The following RMDN2 variants were observed in gnomAD, a reference collection of about 807,000 sequenced individuals.
The protein encoded by RMDN2 is regulator of microtubule dynamics 2.
RMDN2 carries 61 observed loss-of-function variants against 52.8 expected under a neutral mutation model. The observed-to-expected ratio is 1.16, with a 90% CI of 0.94 to 1.43. RMDN2 has a LOEUF of 1.43. Ranked by LOEUF, RMDN2 falls within the 40% of genes most tolerant of loss-of-function variation. The probability of loss-of-function intolerance (pLI) is 0.00; values close to 1 mark genes in which losing one functional copy is unlikely to be tolerated. For synonymous variants in RMDN2, 180 were observed against 153.1 expected (o/e 1.18, Z -1.30); for missense variants, 592 against 475.3 (o/e 1.25, Z -2.28).
chr2:38,024,590 A>G (rs1293803846), intron 10 of RMDN2, among the ~76,000 whole-genome samples: 1 of 152,144 alleles, frequency 6.6e-6, no homozygotes, highest in African/African-American at 2.4e-5. Flanking sequence ...ATGGTGAAGT[A>G]TCTATTCAAA....
chr2:38,025,746 A>G (rs562978836), intron 10 of RMDN2, among the ~76,000 whole-genome samples: 13 of 152,204 alleles, frequency 8.5e-5, no homozygotes, highest in African/African-American at 2.6e-4. Flanking sequence ...TTTAGTTTAT[A>G]TGATGAATTA....
chr2:37,981,647 A>G (rs1174474465), intron 5 of RMDN2, among the ~76,000 whole-genome samples: 2 of 152,222 alleles, frequency 1.3e-5, no homozygotes, highest in African/African-American at 2.4e-5. Flanking sequence ...CTTGAACACA[A>G]ATACTAAAAT....
chr2:37,932,922 C>CG (rs1666936339), intron 2 of RMDN2, among the ~76,000 whole-genome samples: 1 of 150,748 alleles, frequency 6.6e-6, no homozygotes, highest in South Asian at 2.1e-4. Flanking sequence ...GGCTGACCCC[C>CG]CCACCTCCCT....
At chr2:38,001,164 G>T (rs552936269) in intron 8 of RMDN2, among the ~76,000 whole-genome samples, 1 of 152,282 alleles carries the variant, frequency 6.6e-6, no homozygotes, top group East Asian at 1.9e-4. Context: ...TTTTAAAGAA[G>T]AGCTAATTTG....
intron 5 of RMDN2, among the ~76,000 whole-genome samples, chr2:37,988,582 C>G (rs947190064): frequency 1.3e-5 from 2 of 151,230 alleles, no homozygotes; most frequent in African/African-American, 4.8e-5. Context: ...AAATTATTCA[C>G]TGTTTTTTTG....
intron 1 of RMDN2, 138 bp downstream of exon 1, chr2:37,925,563 C>T (rs1460148370): frequency 1.3e-5 from 2 of 152,300 alleles, no homozygotes; most frequent in African/African-American, 2.4e-5. Flanking sequence ...AAGCTTGAGC[C>T]TGCTAGCCAG....
chr2:37,966,432 G>A (rs982729619), intron 2 of RMDN2, among the ~76,000 whole-genome samples: 2 of 143,934 alleles, frequency 1.4e-5, no homozygotes, highest in African/African-American at 2.6e-5. Context: ...AAAAAAAAAA[G>A]TTCTTACATT....
At chr2:37,950,738 A>C (rs1668674583) in intron 2 of RMDN2, 1 of 814,980 alleles carries the variant, frequency 1.2e-6, no homozygotes, top group East Asian at 2.5e-5. Context: ...TTCTCCCCAG[A>C]GAGATTGTGC....
intron 10 of RMDN2, among the ~76,000 whole-genome samples, chr2:38,039,093 C>CACACACACAGAGAG (rs1317093706): frequency 2.0e-4 from 18 of 91,690 alleles, no homozygotes; most frequent in African/African-American, 4.3e-4. Flanking sequence ...CACACACACA[C>CACACACACAGAGAG]AGAGAGAGAG....
intron 8 of RMDN2, among the ~76,000 whole-genome samples, chr2:38,000,644 T>G (rs899140848): frequency 2.6e-5 from 4 of 152,226 alleles, no homozygotes; most frequent in African/African-American, 9.6e-5. Context: ...CATACTGTTT[T>G]GAGATTCATT....
chr2:38,061,809 C>T (rs1056726742), intron 10 of RMDN2, among the ~76,000 whole-genome samples: 5 of 152,186 alleles, frequency 3.3e-5, no homozygotes, highest in Admixed American at 1.3e-4. Context: ...AATAGGTGCT[C>T]AATTAACACT....
chr2:37,995,573 A>C, intron 7 of RMDN2, among the ~76,000 whole-genome samples: 1 of 152,222 alleles, frequency 6.6e-6, no homozygotes, highest in East Asian at 1.9e-4. Context: ...CCCTTTTAGT[A>C]ATTAATGGAA....
rs1335310059 is a variant in RMDN2, at chr2:37,990,141, TG to T, written c.867+526del. 1.0e-3 allele frequency among the ~76,000 whole-genome samples: 139 copies of T among 133,224 alleles called. 6 individuals are homozygous for T. Among genetic ancestry groups the T allele is most frequent in the East Asian group, 5.0e-3 (22 of 4,432 alleles). 87.4% of individuals were successfully genotyped at this position (133,224 alleles called of 152,430 possible). ...CTGGGTGACAGAGTGAGACTCCGTCTGAAAAAAAAAAAAAAAAAAAATTATT... is the reference window on the plus strand; with the variant it reads ...CTGGGTGACAGAGTGAGACTCCGTCTAAAAAAAAAAAAAAAAAAAATTATT... On this transcript the variant is annotated intron_variant, in intron 6 of 10. Coordinates refer to ENST00000354545, the MANE Select transcript of RMDN2 (RefSeq NM_001170791.3).
At chr2:38,013,894 T>A (rs551186626) in intron 10 of RMDN2, among the ~76,000 whole-genome samples, 37 of 152,336 alleles carry the variant, frequency 2.4e-4, no homozygotes, top group Non-Finnish European at 5.1e-4. Context: ...TGGAGAATTA[T>A]TCCTAGTACT....
Position 37,989,608 on chromosome 2 carries a change from C to G in RMDN2, c.859C>G (p.Leu287Val). 1 of 1,601,550 alleles carries G rather than the reference C, an allele frequency of 6.2e-7. No homozygotes were observed. The highest frequency in any genetic ancestry group is 2.2e-5 in the East Asian group (1 of 44,672). The change falls in exon 6 of 11, where the codon CTC (leucine) becomes GTC (valine). Residue 287 changes from leucine to valine, a missense_variant. Coordinates refer to ENST00000354545, the MANE Select transcript of RMDN2 (RefSeq NM_001170791.3). ...ACAAAACAAAATCAACTATGGGCAC[C>G]TCTTCAAGGTATTTCTTTTTTTTTT... Reference protein sequence around the residue: ...GLQNKINYGHLFKEHLDIAIK... With the variant: ...GLQNKINYGHVFKEHLDIAIK...
At chr2:37,999,936 T>A (rs1676090412) in intron 8 of RMDN2, among the ~76,000 whole-genome samples, 1 of 152,184 alleles carries the variant, frequency 6.6e-6, no homozygotes, top group African/African-American at 2.4e-5. Context: ...AAATTCTTCA[T>A]CCGTGAAATG....
intron 10 of RMDN2, among the ~76,000 whole-genome samples, chr2:38,053,926 A>G (rs1369076458): frequency 6.6e-6 from 1 of 152,194 alleles, no homozygotes; most frequent in Non-Finnish European, 1.5e-5. Context: ...AGTTATTTTG[A>G]TAGACAGAGA....
In RMDN2 at chr2:37,997,307, TAC is replaced by T. The variant is rs372260489; in HGVS notation, c.946-98_946-97del. 198 of 719,602 alleles carry T rather than the reference TAC, an allele frequency of 2.8e-4. 2 individuals carry two copies. Among genetic ancestry groups the T allele is most frequent in the South Asian group, 1.3e-3 (83 of 64,656 alleles). The allele number at this position is 719,602 out of a possible 1,614,324, so 44.6% of individuals were successfully genotyped here. The stretch of plus-strand genomic sequence containing the variant: ...TTTTCATTTGTATATGTTATATCTA[TAC>T]ACACACACACGTATATACACATAAC... On this transcript the variant is annotated intron_variant, in intron 7 of 10. Transcript: ENST00000354545.
At chr2:37,938,620 TG>T (rs1667516903) in intron 2 of RMDN2, among the ~76,000 whole-genome samples, 1 of 152,226 alleles carries the variant, frequency 6.6e-6, no homozygotes, top group Admixed American at 6.5e-5. Context: ...GGTTTAGTCT[TG>T]GGAGGGTGTA....
Sources: allele counts gnomAD v4.1 joint callset (sites outside exome capture counted in the v4.1 genomes callset), GRCh38; gene constraint gnomAD v4.1.1; transcripts MANE v1.5; gene names NCBI Gene and HGNC (gene_info 2026-07-23, HGNC 2026-07-21).